The following TCHP variants were observed in gnomAD, a reference collection of about 807,000 sequenced individuals.
TCHP encodes trichoplein keratin filament-binding protein.
In TCHP, 81 loss-of-function variants were observed where a neutral mutation model predicts 88.7. That is an observed-to-expected ratio of 0.91 (90% CI 0.76 to 1.10). TCHP has a LOEUF of 1.10. TCHP is among the 50% of genes least tolerant of loss of function. The pLI is 0.00. For synonymous variants in TCHP, 232 were observed against 232.5 expected, an observed-to-expected ratio of 1.00 and a Z score of 0.02; for missense variants, 641 against 632.1, an observed-to-expected ratio of 1.01 and a Z score of -0.15.
chr12:109,899,570 G>A (rs930667747), upstream of TCHP, among the ~76,000 whole-genome samples: 6 of 152,090 alleles, frequency 3.9e-5, no homozygotes, highest in African/African-American at 9.7e-5. Context: ...CCCGTAAGGC[G>A]GAGGTTGCAG....
chr12:109,905,031 T>G lies in TCHP; in HGVS notation c.456+238T>G. 1 of 525,204 alleles carries G rather than the reference T, an allele frequency of 1.9e-6. No individual in the cohort carries two copies. The highest frequency in any genetic ancestry group is 3.5e-5 in the Admixed American group (1 of 28,196). 32.5% of individuals were successfully genotyped at this position (525,204 alleles called of 1,614,324 possible). A position where few individuals can be genotyped will look rare whatever the true frequency, so the allele number is the denominator to read the frequency against. ...GTCTGCCAGGTGCGGGCATGGAGAT[T>G]AGACATGGTTTCTGCTCATTAGCTT... On this transcript the variant is annotated intron_variant, in intron 4 of 12. Transcript: ENST00000405876. This position sits in a 1 kb window ranked among gnomAD's most constrained non-coding sequence, Gnocchi z 4.0.
chr12:109,909,036 C>A, intron 8 of TCHP, 99 bp downstream of exon 8: 1 of 1,160,062 alleles, frequency 8.6e-7, no homozygotes, highest in Non-Finnish European at 1.3e-6. Context: ...AGAATGAAGA[C>A]AGTGAGGGGT....
chr12:109,908,159 C>T (rs1870252652), intron 6 of TCHP, among the ~76,000 whole-genome samples: 1 of 152,102 alleles, frequency 6.6e-6, no homozygotes, highest in Non-Finnish European at 1.5e-5. Context: ...AGAGGGAGGC[C>T]CATGCTCCTG....
chr12:109,914,834 G>A (rs917848535), intron 11 of TCHP: 10 of 531,898 alleles, frequency 1.9e-5, no homozygotes, highest in East Asian at 1.0e-4. Flanking sequence ...GGGTGAGGCC[G>A]GTACTGCTGT....
intron 11 of TCHP, chr12:109,915,189 C>A: frequency 1.6e-6 from 1 of 638,948 alleles, no homozygotes; most frequent in Non-Finnish European, 2.7e-6. Context: ...GTAAGCGCCA[C>A]GCATACAGCC....
chr12:109,917,472 G>T lies in TCHP; in HGVS notation c.*849G>T, dbSNP rs1471433238. The T allele has an allele frequency of 6.6e-6, 1 of 152,156 alleles. No homozygotes were observed. Among genetic ancestry groups the T allele is most frequent in the Non-Finnish European group, 1.5e-5 (1 of 68,046 alleles). The allele number at this position is 152,156 out of a possible 1,614,324, so 9.4% of individuals were successfully genotyped here. ...TAAAACCAAAAAGGTACCTTAGAAG[G>T]TCACCTGGTTGGCTAACCTTTTAAA... On this transcript the variant is annotated 3_prime_UTR_variant, in exon 13 of 13. Coordinates refer to ENST00000405876, the MANE Select transcript of TCHP (RefSeq NM_001143852.2).
At chr12:109,893,565 C>T in the TCHP span, among the ~76,000 whole-genome samples, 1 of 152,050 alleles carries the variant, frequency 6.6e-6, no homozygotes. Flanking sequence ...TGTCCCATGA[C>T]CCATGACCAG....
the TCHP span, among the ~76,000 whole-genome samples, chr12:109,894,765 CAAAAAAAAAA>C: frequency 1.3e-5 from 1 of 74,170 alleles, no homozygotes; most frequent in Admixed American, 1.6e-4. Context: ...AACTCTGTCC[CAAAAAAAAAA>C]AAAAAAAAAA....
At chr12:109,902,947 C>T in intron 1 of TCHP, 80 bp from the exon 2 acceptor site, 1 of 1,225,978 alleles carries the variant, frequency 8.2e-7, no homozygotes, top group Non-Finnish European at 1.1e-6. Flanking sequence ...GTGGTGACCA[C>T]TCGTTAAAGG....
At chr12:109,909,286 G>A (rs1870347414) in intron 8 of TCHP, among the ~76,000 whole-genome samples, 1 of 152,152 alleles carries the variant, frequency 6.6e-6, no homozygotes, top group African/African-American at 2.4e-5. Flanking sequence ...GATAGATACA[G>A]GTATCAAAAC....
chr12:109,882,363 G>A, the TCHP span, among the ~76,000 whole-genome samples: 2 of 151,424 alleles, frequency 1.3e-5, no homozygotes, highest in African/African-American at 4.9e-5. Flanking sequence ...GAACCAGGGA[G>A]GTGGAGGTTG....
At position 109,905,458 on chromosome 12, in the gene TCHP, T is replaced by C. The variant is rs1210562820; in HGVS notation, c.456+665T>C. Among the ~76,000 whole-genome samples, 2 of 152,092 alleles carry C rather than the reference T, an allele frequency of 1.3e-5. No individual in the cohort carries two copies. Among genetic ancestry groups the C allele is most frequent in the African/African-American group, 4.8e-5 (2 of 41,398 alleles). ...CCCAGCTGCATTTCAGAGAGACTCC[T>C]CTGGTAGCAATGTGCCCGCCGACAG... On this transcript the variant is annotated intron_variant, in intron 4 of 12. Coordinates refer to ENST00000405876, the MANE Select transcript of TCHP (RefSeq NM_001143852.2). This position sits in a 1 kb window ranked among gnomAD's most constrained non-coding sequence, Gnocchi z 4.0.
intron 9 of TCHP, 51 bp downstream of exon 9, chr12:109,911,286 A>G (rs1226270453): frequency 2.0e-6 from 2 of 1,016,496 alleles, no homozygotes; most frequent in Admixed American, 2.7e-5. Context: ...CAACTCTGAT[A>G]CCTTGAAATG....
chr12:109,907,887 C>T (rs1381035090), intron 6 of TCHP, among the ~76,000 whole-genome samples, 188 bp downstream of exon 6: 1 of 152,358 alleles, frequency 6.6e-6, no homozygotes, highest in African/African-American at 2.4e-5. Context: ...TCCTCGTTTG[C>T]GTGCCTGAAT....
At chr12:109,899,798 A>AT (rs930739865), upstream of TCHP, among the ~76,000 whole-genome samples, 8 of 151,626 alleles carry the variant, frequency 5.3e-5, no homozygotes, top group Non-Finnish European at 8.8e-5. Flanking sequence ...AGGTATCTGG[A>AT]TTTTTTCTTC....
rs1027962044 is a variant in TCHP, at chr12:109,905,079, A to G, written c.456+286A>G. On this transcript the variant is annotated intron_variant, in intron 4 of 12. Coordinates refer to ENST00000405876, the MANE Select transcript of TCHP (RefSeq NM_001143852.2). The surrounding 1 kb of genome is among the most constrained non-coding windows in gnomAD (Gnocchi z 4.0). ...CTTGTGTCCAGCATGGGAGCTCATT[A>G]CAGGGCAGGATGCAGGGTGCTGGGC... 2 of 437,586 alleles carry G rather than the reference A, an allele frequency of 4.6e-6. No homozygotes were observed. The highest frequency in any genetic ancestry group is 8.3e-6 in the Non-Finnish European group (2 of 241,464). The allele number at this position is 437,586 out of a possible 1,614,324, so 27.1% of individuals were successfully genotyped here.
the TCHP span, among the ~76,000 whole-genome samples, chr12:109,886,379 C>A: frequency 6.6e-6 from 1 of 152,014 alleles, no homozygotes; most frequent in Non-Finnish European, 1.5e-5. Context: ...CTCAGGTGAT[C>A]GACCCACCTC....
upstream of TCHP, among the ~76,000 whole-genome samples, chr12:109,897,821 A>T (rs1869603273): frequency 6.6e-6 from 1 of 151,960 alleles, no homozygotes; most frequent in South Asian, 2.1e-4. Context: ...GCCTCCCAAA[A>T]TACTAGGATT....
intron 10 of TCHP, 45 bp downstream of exon 10, chr12:109,913,117 C>A (rs376687153): frequency 3.4e-5 from 54 of 1,591,448 alleles, no homozygotes; most frequent in Non-Finnish European, 4.6e-5. Flanking sequence ...GGGTCTTGGG[C>A]AGGTGTCTGG....
Sources: gnomAD v4.1 joint callset for allele counts (sites outside exome capture counted in the v4.1 genomes callset) on GRCh38, gnomAD v4.1.1 for gene constraint, Gnocchi (gnomAD v3.1) non-coding constraint, MANE v1.5 for transcripts, NCBI Gene and HGNC (gene_info 2026-07-23, HGNC 2026-07-21) for gene names.